Variants in EIF3M observed in about 807,000 individuals in gnomAD.
EIF3M encodes the protein B5 receptor.
EIF3M carries 25 observed loss-of-function variants against 49.7 expected under a neutral mutation model. The ratio of observed to expected loss-of-function variants is 0.50; its 90% CI spans 0.37 to 0.70. EIF3M has a LOEUF of 0.70. Among genes scored for constraint, EIF3M ranks in the 30% least tolerant of loss-of-function variants. EIF3M has a pLI of 0.00. For synonymous variants in EIF3M, 156 were observed against 149.8 expected (o/e 1.04, Z -0.30); for missense variants, 350 against 440.0 (o/e 0.80, Z 1.83).
chr11:32,601,601 T>C, intron 9 of EIF3M, 161 bp from the exon 10 acceptor site: 1 of 570,360 alleles, frequency 1.8e-6, no homozygotes, highest in East Asian at 2.9e-5. Context: ...ACCTTTCTTT[T>C]GGTTGCCCCA....
intron 9 of EIF3M, 159 bp from the exon 10 acceptor site, chr11:32,601,603 G>A (rs963875537): frequency 7.1e-6 from 4 of 561,082 alleles, no homozygotes; most frequent in Non-Finnish European, 1.2e-5. Flanking sequence ...CTTTCTTTTG[G>A]TTGCCCCATA....
chr11:32,591,821 A>C (rs1198424580), intron 5 of EIF3M: 1 of 235,280 alleles, frequency 4.3e-6, no homozygotes, highest in East Asian at 1.1e-4. Context: ...ACCACCATAG[A>C]GACTGCCCAA....
intron 5 of EIF3M, chr11:32,592,694 A>G (rs1208523504): frequency 1.8e-5 from 9 of 508,444 alleles, no homozygotes; most frequent in South Asian, 1.4e-5. Context: ...TAAAACTACC[A>G]TCTCTAGTTT....
Position 32,603,015 on chromosome 11 carries a change from T to C in EIF3M, c.*616T>C. On this transcript the variant is annotated 3_prime_UTR_variant, in exon 11 of 11. Coordinates refer to ENST00000531120, the MANE Select transcript of EIF3M (RefSeq NM_006360.6). ...GTGGAGTTGATATCAGAGGCTTTGTTTTCACCTGGGAAAGATAAACTAATT... is the reference window on the plus strand; with the variant it reads ...GTGGAGTTGATATCAGAGGCTTTGTCTTCACCTGGGAAAGATAAACTAATT... 1 of 1,590,842 alleles carries C rather than the reference T, an allele frequency of 6.3e-7. No individual in the cohort carries two copies. Among genetic ancestry groups the C allele is most frequent in the South Asian group, 1.2e-5 (1 of 85,800 alleles).
rs2133200047 is a variant in EIF3M, at chr11:32,594,921, G to T, written c.625G>T (p.Val209Leu). ...TTTTGTTCTCTAATTAAGGTGTATTGTACGAGCATTGAAAGATCCAAATGC... is the reference window on the plus strand; with the variant it reads ...TTTTGTTCTCTAATTAAGGTGTATTTTACGAGCATTGAAAGATCCAAATGC... ...QARVDAHRCI[V>L]RALKDPNAFL... Residue 209 changes from valine (V) to leucine (L), a missense_variant, in exon 7 of 11, where the codon GTA becomes TTA. Physicochemically the swap from Val to Leu is conservative, Grantham distance 32. Coordinates refer to ENST00000531120, the MANE Select transcript of EIF3M (RefSeq NM_006360.6). The T allele has an allele frequency of 6.2e-7, 1 of 1,612,756 alleles. No individual in the cohort carries two copies. The highest frequency in any genetic ancestry group is 2.2e-5 in the East Asian group (1 of 44,812).
chr11:32,600,530 TATA>T (rs1855244309), intron 8 of EIF3M, among the ~76,000 whole-genome samples, 156 bp from the exon 9 acceptor site: 1 of 151,902 alleles, frequency 6.6e-6, no homozygotes, highest in African/African-American at 2.4e-5. Context: ...AGTTTGCAAA[TATA>T]AGAAGCTTTG....
chr11:32,595,016 A>G lies in EIF3M; in HGVS notation c.717+3A>G. 1.9e-6 allele frequency: 3 copies of G among 1,610,098 alleles called. No individual in the cohort carries two copies. Among genetic ancestry groups the G allele is most frequent in the Non-Finnish European group, 2.5e-6 (3 of 1,178,966 alleles). The stretch of plus-strand genomic sequence containing the variant: ...TGGAAGGCGAGCTTATTCATGATGT[A>G]AGTAGTTTATCCTTTAATGTGAAAA... On this transcript the variant is annotated splice_donor_region_variant and intron_variant, in intron 7 of 10. Coordinates refer to ENST00000531120, the MANE Select transcript of EIF3M (RefSeq NM_006360.6).
intron 1 of EIF3M, 74 bp downstream of exon 1, chr11:32,584,003 C>T (rs2133189852): frequency 6.3e-7 from 1 of 1,588,736 alleles, no homozygotes; most frequent in South Asian, 1.1e-5. Context: ...CGCTGCCGAG[C>T]CTGGGCCGGG....
chr11:32,596,577 G>A (rs111814522), intron 8 of EIF3M, among the ~76,000 whole-genome samples: 1 of 146,130 alleles, frequency 6.8e-6, no homozygotes, highest in Admixed American at 6.9e-5. Flanking sequence ...CTCCAGCCTC[G>A]GCAACAGAGC....
At chr11:32,586,186 T>C (rs1490099354) in intron 1 of EIF3M, among the ~76,000 whole-genome samples, 1 of 152,050 alleles carries the variant, frequency 6.6e-6, no homozygotes, top group Non-Finnish European at 1.5e-5. Flanking sequence ...CCGGGATCGC[T>C]CCATTGCACT....
At chr11:32,592,193 A>G in intron 5 of EIF3M, 1 of 361,140 alleles carries the variant, frequency 2.8e-6, no homozygotes, top group Non-Finnish European at 5.3e-6. Flanking sequence ...AGTTTCCTCC[A>G]CAACCCATAA....
chr11:32,587,804 C>G (rs1415407362), intron 2 of EIF3M, among the ~76,000 whole-genome samples: 4 of 152,112 alleles, frequency 2.6e-5, no homozygotes, highest in African/African-American at 9.7e-5. Context: ...TCGGAAATCT[C>G]TAGTTAAGGT....
At chr11:32,583,964 G>T (rs1273156389) in intron 1 of EIF3M, 35 bp downstream of exon 1, 2 of 1,612,890 alleles carry the variant, frequency 1.2e-6, no homozygotes, top group Non-Finnish European at 1.7e-6. Flanking sequence ...CCACGGTGGG[G>T]TGGGGGATGT....
intron 1 of EIF3M, chr11:32,584,308 C>T: frequency 4.6e-6 from 1 of 217,704 alleles, no homozygotes; most frequent in Non-Finnish European, 9.1e-6. Context: ...TAATTTTGTG[C>T]TAAAGATCAA....
chr11:32,590,220 A>C (rs1855078934), intron 5 of EIF3M, among the ~76,000 whole-genome samples: 1 of 152,234 alleles, frequency 6.6e-6, no homozygotes, highest in East Asian at 1.9e-4. Flanking sequence ...ATATGTGGAC[A>C]TTATATGAAA....
intron 1 of EIF3M, among the ~76,000 whole-genome samples, chr11:32,586,183 C>T (rs1211227952): frequency 2.6e-5 from 4 of 152,098 alleles, no homozygotes; most frequent in African/African-American, 4.8e-5. Context: ...GAGCCGGGAT[C>T]GCTCCATTGC....
intron 5 of EIF3M, chr11:32,592,113 C>T: frequency 3.3e-6 from 1 of 304,106 alleles, no homozygotes; most frequent in South Asian, 3.0e-5. Flanking sequence ...ACTTCTGCTG[C>T]CACCACCCCA....
Position 32,606,191 on chromosome 11 carries a change from C to G in EIF3M, c.*3792C>G, listed in dbSNP as rs1855349311. 6.6e-6 allele frequency: 1 copy of G among 152,184 alleles called. No homozygotes were observed. The highest frequency in any genetic ancestry group is 1.5e-5 in the Non-Finnish European group (1 of 68,028). The allele number at this position is 152,184 out of a possible 1,614,324, so 9.4% of individuals were successfully genotyped here. A position where few individuals can be genotyped will look rare whatever the true frequency, so the allele number is the denominator to read the frequency against. On this transcript the variant is annotated 3_prime_UTR_variant, in exon 11 of 11. Coordinates refer to ENST00000531120, the MANE Select transcript of EIF3M (RefSeq NM_006360.6). ...AAAGTGGATTGGTACTTAATACCTT[C>G]CCTGAATTTAACAGAATTGATGTGG...
chr11:32,588,303 C>T (rs1855032484), intron 2 of EIF3M, among the ~76,000 whole-genome samples: 1 of 148,902 alleles, frequency 6.7e-6, no homozygotes, highest in South Asian at 2.2e-4. Flanking sequence ...ACGGGAGAAT[C>T]GCTTGAACCT....
Sources: allele counts gnomAD v4.1 joint callset (sites outside exome capture counted in the v4.1 genomes callset), GRCh38; gene constraint gnomAD v4.1.1; transcripts MANE v1.5; gene names NCBI Gene and HGNC (gene_info 2026-07-23, HGNC 2026-07-21).